The following NUCKS1 variants were observed in gnomAD, a reference collection of about 807,000 sequenced individuals.
The protein encoded by NUCKS1 is nuclear ubiquitous casein and cyclin-dependent kinase substrate 1.
Under a neutral mutation model 33.0 loss-of-function variants are expected in NUCKS1, and 2 were observed. That is an observed-to-expected ratio of 0.06 (90% CI 0.02 to 0.19). The LOEUF (loss-of-function observed/expected upper bound fraction) is 0.19. Ranked by LOEUF, NUCKS1 falls within the 10% of genes least tolerant of loss-of-function variation. The pLI is 1.00. For synonymous variants in NUCKS1, 106 were observed against 102.8 expected (o/e 1.03, Z -0.19); for missense variants, 201 against 293.6 (o/e 0.68, Z 2.31).
chr1:205,726,389 C>G (rs1487690487), intron 3 of NUCKS1, among the ~76,000 whole-genome samples: 1 of 152,104 alleles, frequency 6.6e-6, no homozygotes, highest in Non-Finnish European at 1.5e-5. Context: ...AGACATATAC[C>G]AAGAAGCTCT....
chr1:205,727,692 C>A lies in NUCKS1; in HGVS notation c.173+8G>T, dbSNP rs1026109980. ...TGTAAGCAGGAACAGAAAAACAATG[C>A]CTCTTACCTATCTTCCTGTGAATTC... On this transcript the variant is annotated splice_region_variant and intron_variant, in intron 3 of 6. Transcript: ENST00000367142. The A allele has an allele frequency of 1.3e-6, 2 of 1,573,134 alleles. No individual in the cohort carries two copies. The highest frequency in any genetic ancestry group is 1.7e-6 in the Non-Finnish European group (2 of 1,142,930).
At chr1:205,749,787 C>G (rs919048396) in intron 1 of NUCKS1, among the ~76,000 whole-genome samples, 170 bp downstream of exon 1, 3 of 151,316 alleles carry the variant, frequency 2.0e-5, no homozygotes, top group Non-Finnish European at 4.4e-5. Flanking sequence ...AGCCACCACC[C>G]CCGCGCGCCA....
At chr1:205,738,904 T>G (rs926226397) in intron 1 of NUCKS1, among the ~76,000 whole-genome samples, 31 of 152,260 alleles carry the variant, frequency 2.0e-4, no homozygotes, top group African/African-American at 7.5e-4. Context: ...AGGGAGAACC[T>G]GTCTCAAATG....
At chr1:205,750,171 TTCAAAATGGATG>T (rs1322078971) in exon 1 of NUCKS1, 4 of 593,380 alleles carry the variant, frequency 6.7e-6, no homozygotes, top group African/African-American at 7.5e-5. Flanking sequence ...CCCCCGTCTC[TTCAAAATGGATG>T]AATCAAACCA....
chr1:205,728,335 C>A (rs930594320), intron 2 of NUCKS1, among the ~76,000 whole-genome samples: 64 of 151,922 alleles, frequency 4.2e-4, no homozygotes, highest in African/African-American at 1.5e-3. Flanking sequence ...CATGCACACA[C>A]ACACACACAC....
chr1:205,743,538 T>G (rs1373382842), intron 1 of NUCKS1, among the ~76,000 whole-genome samples: 2 of 152,246 alleles, frequency 1.3e-5, no homozygotes, highest in Non-Finnish European at 2.9e-5. Context: ...AGTTTTACAA[T>G]AGGCGTTAAA....
chr1:205,733,400 A>C (rs1453963808), intron 1 of NUCKS1, among the ~76,000 whole-genome samples: 1 of 152,190 alleles, frequency 6.6e-6, no homozygotes, highest in Admixed American at 6.5e-5. Context: ...AAGAGCTTTA[A>C]CTGTCTGCTA....
At chr1:205,731,643 C>T (rs890511454) in intron 1 of NUCKS1, among the ~76,000 whole-genome samples, 1 of 151,932 alleles carries the variant, frequency 6.6e-6, no homozygotes, top group Non-Finnish European at 1.5e-5. Context: ...TATAATTTCA[C>T]CACTTTGGGA....
At chr1:205,730,788 T>C (rs1469802482) in intron 1 of NUCKS1, among the ~76,000 whole-genome samples, 1 of 152,058 alleles carries the variant, frequency 6.6e-6, no homozygotes, top group African/African-American at 2.4e-5. Flanking sequence ...CGGTCTCAAA[T>C]ACCATTCTTT....
At chr1:205,744,820 C>T (rs1298900745) in intron 1 of NUCKS1, among the ~76,000 whole-genome samples, 4 of 151,780 alleles carry the variant, frequency 2.6e-5, no homozygotes, top group African/African-American at 7.3e-5. Context: ...TCAGTAGAGA[C>T]GGGGTTTCTC....
At chr1:205,722,582 A>G (rs1268361029) in intron 4 of NUCKS1, among the ~76,000 whole-genome samples, 3 of 149,828 alleles carry the variant, frequency 2.0e-5, no homozygotes, top group Admixed American at 6.6e-5. Flanking sequence ...TGATAGAGAC[A>G]GGGTTTTGCC....
intron 1 of NUCKS1, among the ~76,000 whole-genome samples, chr1:205,742,717 C>T (rs1301312782): frequency 4.6e-5 from 7 of 152,026 alleles, no homozygotes; most frequent in African/African-American, 1.7e-4. Context: ...CCCAGCTACT[C>T]GCGAGGCTGA....
intron 1 of NUCKS1, among the ~76,000 whole-genome samples, chr1:205,749,084 G>A (rs1267660122): frequency 1.3e-5 from 2 of 152,184 alleles, no homozygotes. Context: ...AAAGTCACTC[G>A]GGGACAAGAG....
chr1:205,727,648 C>T, intron 3 of NUCKS1, 52 bp downstream of exon 3: 1 of 1,175,774 alleles, frequency 8.5e-7, no homozygotes, highest in Admixed American at 1.7e-5. Flanking sequence ...AGACTGCTCT[C>T]ATCTCAGAGT....
chr1:205,727,904 T>C, intron 2 of NUCKS1, 99 bp from the exon 3 acceptor site: 1 of 813,440 alleles, frequency 1.2e-6, no homozygotes, highest in South Asian at 1.7e-5. Context: ...GTTTAAATGG[T>C]GAGAGGAGCA....
At chr1:205,721,893 C>T (rs991052872) in intron 4 of NUCKS1, among the ~76,000 whole-genome samples, 2 of 151,940 alleles carry the variant, frequency 1.3e-5, no homozygotes, top group East Asian at 1.9e-4. Flanking sequence ...AGGCTGGTCT[C>T]GAACTCCCGA....
At chr1:205,727,319 A>C (rs1002114780) in intron 3 of NUCKS1, among the ~76,000 whole-genome samples, 1 of 152,176 alleles carries the variant, frequency 6.6e-6, no homozygotes, top group Non-Finnish European at 1.5e-5. Flanking sequence ...TCATTTGTAA[A>C]ACTAAGGGAA....
At chr1:205,730,145 C>A (rs554997142) in intron 1 of NUCKS1, among the ~76,000 whole-genome samples, 61 of 152,246 alleles carry the variant, frequency 4.0e-4, no homozygotes, top group African/African-American at 1.4e-3. Context: ...CCTTGACCTA[C>A]TGGGCCCAAG....
intron 3 of NUCKS1, among the ~76,000 whole-genome samples, chr1:205,724,370 G>T (rs1336374520): frequency 2.0e-5 from 3 of 152,066 alleles, no homozygotes. Context: ...ATATACACAA[G>T]AAAAACTGCT....
Sources: gnomAD v4.1 joint callset for allele counts (sites outside exome capture counted in the v4.1 genomes callset) on GRCh38, gnomAD v4.1.1 for gene constraint, MANE v1.5 for transcripts, NCBI Gene and HGNC (gene_info 2026-07-23, HGNC 2026-07-21) for gene names.